Variants in NIBAN1 observed in about 807,000 individuals in gnomAD.
NIBAN1 encodes protein Niban 1.
In NIBAN1, 81 loss-of-function variants were observed where a neutral mutation model predicts 75.1. The ratio of observed to expected loss-of-function variants is 1.08; its 90% CI spans 0.90 to 1.30. The LOEUF is 1.30. Among genes scored for constraint, NIBAN1 ranks in the 50% most tolerant of loss-of-function variants. The pLI is 0.00. For synonymous variants in NIBAN1, 436 were observed against 424.8 expected (o/e 1.03, Z -0.32); for missense variants, 1,133 against 1,128.1 (o/e 1.00, Z -0.06).
At chr1:184,931,796 G>A (rs963238321) in intron 1 of NIBAN1, among the ~76,000 whole-genome samples, 26 of 152,296 alleles carry the variant, frequency 1.7e-4, no homozygotes, top group Admixed American at 5.2e-4. Flanking sequence ...GCAATAAGAA[G>A]CCAGTATGAC....
chr1:184,914,117 C>A (rs1657318966), intron 1 of NIBAN1, among the ~76,000 whole-genome samples: 1 of 152,230 alleles, frequency 6.6e-6, no homozygotes. Context: ...CTGACTCAGT[C>A]TCCACTGAAC....
At chr1:184,966,972 C>A (rs1658801278) in intron 1 of NIBAN1, among the ~76,000 whole-genome samples, 1 of 152,150 alleles carries the variant, frequency 6.6e-6, no homozygotes, top group African/African-American at 2.4e-5. Context: ...CTAGAACCTG[C>A]AATTTGCAAA....
intron 1 of NIBAN1, among the ~76,000 whole-genome samples, chr1:184,927,975 G>A (rs1000413117): frequency 6.6e-6 from 1 of 152,010 alleles, no homozygotes; most frequent in Admixed American, 6.6e-5. Context: ...ATCCAGCACA[G>A]CTCTGAGTCT....
intron 1 of NIBAN1, among the ~76,000 whole-genome samples, chr1:184,971,884 G>A (rs574792370): frequency 6.6e-5 from 10 of 152,272 alleles, no homozygotes; most frequent in Non-Finnish European, 1.2e-4. Context: ...AACATCTTTA[G>A]AAATGAAGTA....
At chr1:184,827,625 T>A (rs1202477146) in intron 6 of NIBAN1, among the ~76,000 whole-genome samples, 1 of 149,356 alleles carries the variant, frequency 6.7e-6, no homozygotes, top group Non-Finnish European at 1.5e-5. Flanking sequence ...CTGCTAGGAC[T>A]TGGAGATTTA....
chr1:184,910,592 T>C (rs1657215175), intron 1 of NIBAN1, among the ~76,000 whole-genome samples: 1 of 152,208 alleles, frequency 6.6e-6, no homozygotes, highest in Non-Finnish European at 1.5e-5. Flanking sequence ...ATAAGTACTC[T>C]TTGGTAATAA....
chr1:184,814,839 A>G (rs1654482660), intron 9 of NIBAN1, among the ~76,000 whole-genome samples: 1 of 152,210 alleles, frequency 6.6e-6, no homozygotes, highest in Admixed American at 6.5e-5. Context: ...TAAATTGGAG[A>G]AACAACTGGT....
intron 5 of NIBAN1, among the ~76,000 whole-genome samples, chr1:184,840,927 A>T (rs900479812): frequency 1.3e-5 from 2 of 150,984 alleles, no homozygotes; most frequent in Admixed American, 1.3e-4. Context: ...TTGCCTTAAA[A>T]CATGTTCAAT....
chr1:184,798,143 C>A lies in NIBAN1; in HGVS notation c.1602G>T (p.Met534Ile). The A allele has an allele frequency of 6.2e-7, 1 of 1,611,440 alleles. No individual in the cohort carries two copies. The highest frequency in any genetic ancestry group is 1.1e-5 in the South Asian group (1 of 90,934). The change falls in exon 13 of 14, where the codon ATG becomes ATT. Residue 534 changes from methionine (M) to isoleucine (I), a missense_variant. Transcript: ENST00000367511. ...EQFIFADHTN[M>I]IHVENVYEEI... is the part of the protein sequence containing the mutation. ...CCTCATAGACATTTTCAACGTGAAT[C>A]ATATTGGTATGATCTGCAAAGATGA...
chr1:184,873,887 C>T (rs1160795078), intron 5 of NIBAN1, among the ~76,000 whole-genome samples: 1 of 152,072 alleles, frequency 6.6e-6, no homozygotes, highest in East Asian at 1.9e-4. Flanking sequence ...GTTTTTCCTC[C>T]TCTACAGTGG....
rs113408233 is a variant in NIBAN1, at chr1:184,803,341, G to T, written c.1554+244C>A. 2.9e-3 allele frequency among the ~76,000 whole-genome samples: 449 copies of T among 152,260 alleles called. 3 individuals carry two copies. The highest frequency in any genetic ancestry group is 0.01 in the African/African-American group (432 of 41,552). On this transcript the variant is annotated intron_variant, in intron 12 of 13. Coordinates refer to ENST00000367511, the MANE Select transcript of NIBAN1 (RefSeq NM_052966.4). ...CATATCTGGCTAGCATCTTGTTTTT[G>T]CAAATAAAGTCTGTTTATATATAGT...
chr1:184,846,021 C>G (rs1364065118), intron 5 of NIBAN1, among the ~76,000 whole-genome samples: 8 of 85,900 alleles, frequency 9.3e-5, no homozygotes, highest in African/African-American at 3.9e-4. Flanking sequence ...TGAGATCAAA[C>G]TGCAAGGCGG....
rs368173930 is a variant in NIBAN1, at chr1:184,884,697, G to C, written c.537C>G (p.His179Gln). ...TAAACCTCTTCTGGTCAGCAGCCTCGTGGAAGCAGAAGTAGCCGTGTCTGA... is the reference window on the plus strand; with the variant it reads ...TAAACCTCTTCTGGTCAGCAGCCTCCTGGAAGCAGAAGTAGCCGTGTCTGA... ...PFFRHGYFCFHEAADQKRFSA... is the reference protein window; with the variant it reads ...PFFRHGYFCFQEAADQKRFSA... The change falls in exon 5 of 14, where the codon CAC (histidine) becomes CAG (glutamine). Residue 179 changes from histidine to glutamine, a missense_variant. Coordinates refer to ENST00000367511, the MANE Select transcript of NIBAN1 (RefSeq NM_052966.4). 2.5e-6 allele frequency: 4 copies of C among 1,614,086 alleles called. No homozygotes were observed. The highest frequency in any genetic ancestry group is 3.3e-5 in the Admixed American group (2 of 60,012).
chr1:184,926,582 T>G (rs575606857), intron 1 of NIBAN1, among the ~76,000 whole-genome samples: 1 of 152,324 alleles, frequency 6.6e-6, no homozygotes, highest in Non-Finnish European at 1.5e-5. Context: ...TCTTTTAGGA[T>G]CCTTTCTTTA....
intron 5 of NIBAN1, among the ~76,000 whole-genome samples, chr1:184,838,405 G>T (rs562205829): frequency 4.6e-5 from 7 of 152,266 alleles, no homozygotes; most frequent in African/African-American, 1.2e-4. Flanking sequence ...ACCAGATCAG[G>T]AGTGAGGAAA....
chr1:184,867,400 AT>A (rs1187546727), intron 5 of NIBAN1, among the ~76,000 whole-genome samples: 1 of 152,212 alleles, frequency 6.6e-6, no homozygotes. Flanking sequence ...ATGACTCATT[AT>A]TATTGGCACA....
At position 184,929,582 on chromosome 1, in the gene NIBAN1, A is replaced by T. The variant is rs1420188869; in HGVS notation, c.56-30273T>A. Among the ~76,000 whole-genome samples, 15 of 152,270 alleles carry T rather than the reference A, an allele frequency of 9.9e-5. 1 individual carries two copies. In the South Asian group the frequency reaches 3.1e-3, roughly 32 times the overall value. Reference sequence around the variant, plus strand: ...CCTAGAAGATTTTTTTCACCTCCAAAAAAGAAGATATATAAATTTTAAGGC... The same window carrying T: ...CCTAGAAGATTTTTTTCACCTCCAATAAAGAAGATATATAAATTTTAAGGC... On this transcript the variant is annotated intron_variant, in intron 1 of 13. Transcript: ENST00000367511.
In NIBAN1 at chr1:184,798,087, G is replaced by A. The variant is rs375277510; in HGVS notation, c.1658C>T (p.Thr553Ile). Residue 553 changes from threonine (T) to isoleucine (I), a missense_variant, in exon 13 of 14, where the codon ACT becomes ATT. Transcript: ENST00000367511. ...CAGGTAACCTTTCTTACCTTTCAGAGTTTCATCAAGCAGGATCTGATGTAA... is the reference window on the plus strand; with the variant it reads ...CAGGTAACCTTTCTTACCTTTCAGAATTTCATCAAGCAGGATCTGATGTAA... ...EILHQILLDE[T>I]LKVIKEAAIL... 2 of 1,607,086 alleles carry A rather than the reference G, an allele frequency of 1.2e-6. No homozygotes were observed. The highest frequency in any genetic ancestry group is 1.7e-6 in the Non-Finnish European group (2 of 1,174,740).
At chr1:184,969,364 T>C (rs1376056526) in intron 1 of NIBAN1, among the ~76,000 whole-genome samples, 1 of 152,204 alleles carries the variant, frequency 6.6e-6, no homozygotes, top group Non-Finnish European at 1.5e-5. Flanking sequence ...GTATTGGCTT[T>C]GTCTTTAGGC....
Sources: allele counts gnomAD v4.1 joint callset (sites outside exome capture counted in the v4.1 genomes callset), GRCh38; gene constraint gnomAD v4.1.1; transcripts MANE v1.5; gene names NCBI Gene and HGNC (gene_info 2026-07-23, HGNC 2026-07-21).